DDX54: variants seen among roughly 807,000 people sequenced by gnomAD.
DDX54 encodes the protein DEAD-box helicase 54.
In DDX54, 67 loss-of-function variants were observed where a neutral mutation model predicts 105.5. The observed-to-expected ratio is 0.64, with a 90% CI of 0.52 to 0.78. The LOEUF (loss-of-function observed/expected upper bound fraction) is 0.78, where lower values mean the gene tolerates loss of function less well. Ranked by LOEUF, DDX54 falls within the 30% of genes least tolerant of loss-of-function variation. The pLI, the probability that DDX54 is intolerant of heterozygous loss-of-function variation, is 0.00. For synonymous variants in DDX54, 514 were observed against 509.9 expected (o/e 1.01, Z -0.11); for missense variants, 1,206 against 1,230.5 (o/e 0.98, Z 0.30).
In DDX54 at chr12:113,172,519, G is replaced by A. The variant is rs144718042; in HGVS notation, c.1113C>T (p.Ala371=). 1.0e-3 allele frequency: 1,643 copies of A among 1,614,228 alleles called. 15 individuals carry two copies. The African/African-American group carries it at 0.019, about 19-fold the overall frequency. Residue 371 remains alanine (A), a synonymous_variant, in exon 11 of 20, where the codon GCC becomes GCT. Coordinates refer to ENST00000306014, the MANE Select transcript of DDX54 (RefSeq NM_024072.4). ...QRVSCAHIYS[A]LDPTARKINL... is the part of the protein sequence containing the mutation. ...TGATCTTGCGGGCTGTCGGGTCTAG[G>A]GCACTGTAGATGTGGGCGCAGCTCA...
intron 18 of DDX54, 33 bp downstream of exon 18, chr12:113,161,860 C>T: frequency 2.1e-6 from 3 of 1,409,410 alleles, no homozygotes; most frequent in Non-Finnish European, 2.8e-6. Context: ...GCTCCTCGGC[C>T]CCGCCCCTCC....
At chr12:113,177,143 C>T (rs1952414302) in intron 5 of DDX54, 50 bp from the exon 6 acceptor site, 1 of 1,599,220 alleles carries the variant, frequency 6.3e-7, no homozygotes, top group South Asian at 1.1e-5. Context: ...TCTTTGGTTT[C>T]CCTTCCCATA....
Position 113,162,953 on chromosome 12 carries a change from C to T in DDX54, c.2174G>A (p.Arg725Lys). ...LMGDEAQNLT[R>K]GRQQLKWDRK... ...TCACCACTTGAGCTGCTGCCGGCCCCTCGTCAGGTTCTGGGCTTCATCCCC... is the reference window on the plus strand; with the variant it reads ...TCACCACTTGAGCTGCTGCCGGCCCTTCGTCAGGTTCTGGGCTTCATCCCC... Residue 725 changes from arginine (R) to lysine (K), a missense_variant, in exon 17 of 20, where the codon AGG (arginine) becomes AAG (lysine). Physicochemically the swap from Arg to Lys is conservative, Grantham distance 26 (BLOSUM62 2). Around this residue, in one of 3 missense-constraint regions of DDX54, gnomAD observed 961 missense variants for 1,019.1 expected, o/e 0.94. Transcript: ENST00000306014. The T allele has an allele frequency of 6.2e-7, 1 of 1,605,184 alleles. No individual in the cohort carries two copies. Among genetic ancestry groups the T allele is most frequent in the Middle Eastern group, 1.7e-4 (1 of 6,046 alleles).
intron 1 of DDX54, among the ~76,000 whole-genome samples, chr12:113,184,206 A>C (rs1393670136): frequency 6.6e-6 from 1 of 151,970 alleles, no homozygotes; most frequent in African/African-American, 2.4e-5. Context: ...TCAGCCTCCT[A>C]AAGTGCTGGG....
intron 12 of DDX54, among the ~76,000 whole-genome samples, chr12:113,166,428 C>T (rs184761627): frequency 4.7e-4 from 72 of 152,050 alleles, no homozygotes; most frequent in African/African-American, 1.5e-3. Context: ...TGGCCGGGTG[C>T]GGTGGCTCAT....
chr12:113,158,725 TG>T lies in DDX54; in HGVS notation c.*151del. 1 of 817,106 alleles carries T rather than the reference TG, an allele frequency of 1.2e-6. No individual in the cohort carries two copies. The highest frequency in any genetic ancestry group is 1.9e-6 in the Non-Finnish European group (1 of 536,346). The allele number at this position is 817,106 out of a possible 1,614,324, so 50.6% of individuals were successfully genotyped here. On this transcript the variant is annotated 3_prime_UTR_variant, in exon 20 of 20. Transcript: ENST00000306014. This position sits in a 1 kb window ranked among gnomAD's most constrained non-coding sequence, Gnocchi z 4.9. ...GGCTGACGCAGCTGCTGCCCTTCTG[TG>T]GCCATACAGTGCTCCTTTTCACAGA... is the stretch of plus-strand genomic sequence containing the variant.
intron 12 of DDX54, among the ~76,000 whole-genome samples, chr12:113,169,229 T>C (rs1015601261): frequency 6.6e-6 from 1 of 150,534 alleles, no homozygotes; most frequent in Admixed American, 6.6e-5. Flanking sequence ...TAGCCAGGCA[T>C]AGTGGCTTGC....
In DDX54 at chr12:113,172,342, G is replaced by A. The variant is rs771858010; in HGVS notation, c.1279+11C>T. 1.1e-5 allele frequency: 18 copies of A among 1,611,838 alleles called. No homozygotes were observed. The highest frequency in any genetic ancestry group is 8.9e-5 in the East Asian group (4 of 44,772). On this transcript the variant is annotated intron_variant, in intron 11 of 19. Transcript: ENST00000306014. ...CCCTGCCTGCCCCAGGGCCAGCCAC[G>A]GGCTGCTTACCCACGCGGTGCAGGA...
chr12:113,159,089 G>C lies in DDX54; in HGVS notation c.2434C>G (p.Pro812Ala). The C allele has an allele frequency of 6.2e-7, 1 of 1,603,646 alleles. No individual in the cohort carries two copies. The highest frequency in any genetic ancestry group is 8.5e-7 in the Non-Finnish European group (1 of 1,176,206). ...RGQGASRPHA[P>A]GTPAGRVRPE... ...CGGACTCGGCCTGCAGGGGTGCCTG[G>C]GGCGTGGGGCCGGGATGCACCTGCT... The change falls in exon 20 of 20, where the codon CCA becomes GCA. Residue 812 changes from proline (P) to alanine (A), a missense_variant. Transcript: ENST00000306014.
Position 113,160,806 on chromosome 12 carries a change from G to C in DDX54, c.2413+464C>G, listed in dbSNP as rs565366102. 6.6e-5 allele frequency among the ~76,000 whole-genome samples: 10 copies of C among 152,298 alleles called. No homozygotes were observed. The South Asian group carries it at 1.9e-3, about 28-fold the overall frequency. ...ACGTCACTCCTAAGGATGCCACAGG[G>C]AATCAATTCATGCTCACTGTCAGGT... On this transcript the variant is annotated intron_variant, in intron 19 of 19. Transcript: ENST00000306014.
rs1393820698 is a variant in DDX54 at position 113,180,938 on chromosome 12, G to A, written c.295C>T (p.Gln99Ter). 7 of 1,613,526 alleles carry A rather than the reference G, an allele frequency of 4.3e-6. No homozygotes were observed. The highest frequency in any genetic ancestry group is 4.2e-6 in the Non-Finnish European group (5 of 1,179,824). The change falls in exon 2 of 20, where the codon CAG becomes TAG. Residue 99 changes from glutamine to a stop codon, truncating the protein, a stop_gained. Coordinates refer to ENST00000306014, the MANE Select transcript of DDX54 (RefSeq NM_024072.4). LOFTEE classifies it high-confidence loss of function. ...NKKKKKSGGF[Q>*]SMGLSYPVFK... ...GCCAAGTTGCACCCACCCATGGACT[G>A]GAAGCCTCCAGACTTCTTCTTCTTC...
At chr12:113,174,802 A>T (rs1952381362) in intron 9 of DDX54, 31 bp from the exon 10 acceptor site, 1 of 1,614,202 alleles carries the variant, frequency 6.2e-7, no homozygotes, top group African/African-American at 1.3e-5. Context: ...GTGTTGGCTT[A>T]CGGGGTCCTG....
chr12:113,176,591 A>G (rs564611306), intron 7 of DDX54, among the ~76,000 whole-genome samples: 25 of 152,236 alleles, frequency 1.6e-4, no homozygotes, highest in African/African-American at 5.8e-4. Context: ...AAATAAATAA[A>G]TCCCATGTTA....
At chr12:113,164,978 G>A (rs1444283167) in intron 14 of DDX54, among the ~76,000 whole-genome samples, 1 of 152,212 alleles carries the variant, frequency 6.6e-6, no homozygotes, top group Non-Finnish European at 1.5e-5. Context: ...AGTGAGCCAT[G>A]ATTGCACCAC....
rs1420861201 is a variant in DDX54 at position 113,185,278 on chromosome 12, C to T, written c.174G>A (p.Lys58=). Residue 58 remains lysine (K), a splice_region_variant and synonymous_variant, in exon 1 of 20, where the codon AAG becomes AAA. Coordinates refer to ENST00000306014, the MANE Select transcript of DDX54 (RefSeq NM_024072.4). The stretch of plus-strand genomic sequence containing the variant: ...ATGCGTCCCAGCCCCACGCGCCTAC[C>T]TTCCGGGCCCGGGCGTCATCTTCCG... The part of the protein sequence containing the change: ...IQAEDDARAR[K]LGPGRPLPTF... 1.9e-6 allele frequency: 3 copies of T among 1,561,204 alleles called. No individual in the cohort carries two copies. Among genetic ancestry groups the T allele is most frequent in the African/African-American group, 1.4e-5 (1 of 72,298 alleles).
Position 113,163,278 on chromosome 12 carries a change from GCAGA to G in DDX54, c.1939-8_1939-5del, listed in dbSNP as rs138867026. ...CCACGACCTCTGAGAAAATGTCCTGGCAGAGCACAGACCAAGGCCCAGTGTCATG... is the reference window on the plus strand; with the variant it reads ...CCACGACCTCTGAGAAAATGTCCTGGGCACAGACCAAGGCCCAGTGTCATG... On this transcript the variant is annotated splice_region_variant and splice_polypyrimidine_tract_variant and intron_variant, in intron 15 of 19. Coordinates refer to ENST00000306014, the MANE Select transcript of DDX54 (RefSeq NM_024072.4). The surrounding 1 kb of genome is among the most constrained non-coding windows in gnomAD (Gnocchi z 5.9). 9,223 of 1,607,540 alleles carry G rather than the reference GCAGA, an allele frequency of 5.7e-3. 57 individuals carry two copies. Among genetic ancestry groups the G allele is most frequent in the Non-Finnish European group, 6.9e-3 (8,145 of 1,179,788 alleles).
In DDX54 at chr12:113,172,349, T is replaced by A. The variant is rs1229162494; in HGVS notation, c.1279+4A>T. 6.2e-7 allele frequency: 1 copy of A among 1,613,258 alleles called. No individual in the cohort carries two copies. Among genetic ancestry groups the A allele is most frequent in the East Asian group, 2.2e-5 (1 of 44,856 alleles). ...TGCCCCAGGGCCAGCCACGGGCTGC[T>A]TACCCACGCGGTGCAGGAAGAGTTT... On this transcript the variant is annotated splice_donor_region_variant and intron_variant, in intron 11 of 19. Coordinates refer to ENST00000306014, the MANE Select transcript of DDX54 (RefSeq NM_024072.4).
At chr12:113,174,294 CGAGT>C (rs1436738374) in intron 10 of DDX54, among the ~76,000 whole-genome samples, 9 of 151,902 alleles carry the variant, frequency 5.9e-5, no homozygotes, top group African/African-American at 1.9e-4. Context: ...CTTGGGCAAC[CGAGT>C]GAGAACCTGT....
intron 9 of DDX54, 41 bp from the exon 10 acceptor site, chr12:113,174,812 G>A (rs1212936448): frequency 6.2e-7 from 1 of 1,614,218 alleles, no homozygotes; most frequent in South Asian, 1.1e-5. Flanking sequence ...ACGGGGTCCT[G>A]GCCCAGGGCC....
Sources: gnomAD v4.1 joint callset for allele counts (sites outside exome capture counted in the v4.1 genomes callset) on GRCh38, gnomAD v4.1.1 for gene constraint, gnomAD v4.1.1 regional missense constraint, Gnocchi (gnomAD v3.1) non-coding constraint, MANE v1.5 for transcripts, NCBI Gene and HGNC (gene_info 2026-07-23, HGNC 2026-07-21) for gene names.